TTN: variants seen among roughly 807,000 people sequenced by gnomAD.
TTN encodes connectin.
In TTN, 1,525 loss-of-function variants were observed where a neutral mutation model predicts 3,223.0. The observed-to-expected ratio is 0.47, with a 90% CI of 0.45 to 0.49. The LOEUF (loss-of-function observed/expected upper bound fraction) is 0.49. TTN is among the 20% of genes least tolerant of loss of function. The pLI is 0.00. For synonymous variants in TTN, 14,094 were observed against 15,161.0 expected (o/e 0.93, Z 5.17); for missense variants, 40,786 against 43,424.0 (o/e 0.94, Z 5.40).
rs140497184 is a variant in TTN at position 178,610,060 on chromosome 2, T to C, written c.51436+30A>G. 3,516 of 1,612,238 alleles carry C rather than the reference T, an allele frequency of 2.2e-3. 52 individuals carry two copies. The highest frequency in any genetic ancestry group is 0.021 in the South Asian group (1,932 of 90,980). On this transcript the variant is annotated intron_variant, in intron 271 of 362. Coordinates refer to ENST00000589042, the MANE Select transcript of TTN (RefSeq NM_001267550.2). ...AACAAAACTATGGTTTATTAGTTCT[T>C]AGCCATAGTGCATCCATGTCCAAAC...
In TTN at chr2:178,580,052, CT is replaced by C; in HGVS notation, c.67234del (p.Ser22412AlafsTer4). On this transcript the variant is annotated frameshift_variant, in exon 318 of 363. Transcript: ENST00000589042. LOFTEE classifies it high-confidence loss of function. ...CTCCTCCAAATTAGCTACTCTGAAG[CT>C]TGTTTTGGAGCACTCAGTTGTCACT... Reference protein sequence around the residue: ...STVTTECSKTSFRVANLEEGK... With the variant: ...STVTTECSKTXFRVANLEEGK... 1 of 1,613,326 alleles carries C rather than the reference CT, an allele frequency of 6.2e-7. No individual in the cohort carries two copies.
At position 178,735,897 on chromosome 2, in the gene TTN, T is replaced by A. The variant is rs760092355; in HGVS notation, c.14549A>T (p.His4850Leu). The change falls in exon 50 of 363, where the codon CAC becomes CTC. Residue 4850 changes from histidine to leucine, a missense_variant. Coordinates refer to ENST00000589042, the MANE Select transcript of TTN (RefSeq NM_001267550.2). Reference sequence around the variant, plus strand: ...GGTAAGGTTTGAGAGTTCTAAAATGTGTTTGTTTTCTGCGTCGGAAATCCT... The same window carrying A: ...GGTAAGGTTTGAGAGTTCTAAAATGAGTTTGTTTTCTGCGTCGGAAATCCT... ...NWRISDAENK[H>L]ILELSNLTIQ... 2.5e-6 allele frequency: 4 copies of A among 1,613,844 alleles called. No homozygotes were observed. In the South Asian group the frequency reaches 4.4e-5, roughly 18 times the overall value.
chr2:178,726,965 A>G, intron 69 of TTN, 125 bp downstream of exon 69: 1 of 1,015,126 alleles, frequency 9.9e-7, no homozygotes, highest in Non-Finnish European at 1.3e-6. Flanking sequence ...AAATAATACT[A>G]GCTCAGAAAA....
chr2:178,563,528 G>A lies in TTN; in HGVS notation c.82604C>T (p.Thr27535Ile). Residue 27535 changes from threonine (T) to isoleucine (I), a missense_variant, in exon 326 of 363, where the codon ACC becomes ATC. Coordinates refer to ENST00000589042, the MANE Select transcript of TTN (RefSeq NM_001267550.2). This position sits in a 1 kb window ranked among gnomAD's most constrained non-coding sequence, Gnocchi z 4.5. ...TDLRLRVTGL[T>I]EGHSYEFRVA... is the part of the protein sequence containing the mutation. The stretch of plus-strand genomic sequence containing the variant: ...TCTGAATTCATAGGAATGGCCTTCG[G>A]TAAGACCAGTTACCCTGAGCCGCAG... 1 of 1,613,742 alleles carries A rather than the reference G, an allele frequency of 6.2e-7. No homozygotes were observed. The highest frequency in any genetic ancestry group is 1.1e-5 in the South Asian group (1 of 91,076).
rs757085121 is a variant in TTN, at chr2:178,574,604, A to G, written c.71528T>C (p.Met23843Thr). 2 of 1,613,298 alleles carry G rather than the reference A, an allele frequency of 1.2e-6. No homozygotes were observed. Among genetic ancestry groups the G allele is most frequent in the Non-Finnish European group, 1.7e-6 (2 of 1,179,532 alleles). Residue 23843 changes from methionine (M) to threonine (T), a missense_variant, in exon 326 of 363, where the codon ATG (methionine) becomes ACG (threonine). Met to Thr is a moderately conservative substitution (Grantham distance 81). Coordinates refer to ENST00000589042, the MANE Select transcript of TTN (RefSeq NM_001267550.2). ...PQVTAVTKDS[M>T]TISWHEPLSD... ...AAGTGGCTCATGCCAGCTAATTGTCATTGAATCCTTGGTAACTGCAGTTAC... is the reference window on the plus strand; with the variant it reads ...AAGTGGCTCATGCCAGCTAATTGTCGTTGAATCCTTGGTAACTGCAGTTAC...
chr2:178,731,978 TA>T lies in TTN; in HGVS notation c.16904-8del. On this transcript the variant is annotated splice_region_variant and splice_polypyrimidine_tract_variant and intron_variant, in intron 57 of 362. Coordinates refer to ENST00000589042, the MANE Select transcript of TTN (RefSeq NM_001267550.2). ...TTGGTAAAATAAGGTGACTCTACAGTAAAAAAGGAATGATTTGCATTAAGGG... is the reference window on the plus strand; with the variant it reads ...TTGGTAAAATAAGGTGACTCTACAGTAAAAAGGAATGATTTGCATTAAGGG... 1 of 1,599,000 alleles carries T rather than the reference TA, an allele frequency of 6.3e-7. No individual in the cohort carries two copies. The highest frequency in any genetic ancestry group is 8.5e-7 in the Non-Finnish European group (1 of 1,170,336).
chr2:178,780,140 C>T lies in TTN; in HGVS notation c.3589G>A (p.Val1197Ile). Residue 1197 changes from valine to isoleucine, a missense_variant, in exon 22 of 363, where the codon GTT becomes ATT. By Grantham distance (29) the Val-to-Ile change is conservative. Coordinates refer to ENST00000589042, the MANE Select transcript of TTN (RefSeq NM_001267550.2). ...GTTTCTCCAACTTTAGGTTCTTGAA[C>T]AAATGCAGTCACTTGTGTCTGATAA... is the stretch of plus-strand genomic sequence containing the variant. The part of the protein sequence containing the change: ...MLYQTQVTAF[V>I]QEPKVGETAP... 1.2e-6 allele frequency: 2 copies of T among 1,613,796 alleles called. No homozygotes were observed. Among genetic ancestry groups the T allele is most frequent in the South Asian group, 2.2e-5 (2 of 91,076 alleles).
At chr2:178,670,353 C>G (rs1297722245) in intron 156 of TTN, 58 bp from the exon 157 acceptor site, 20 of 1,056,646 alleles carry the variant, frequency 1.9e-5, no homozygotes, top group Non-Finnish European at 1.7e-5. Context: ...TTTTAACAAG[C>G]AGAGCATGAG....
chr2:178,581,205 C>G (rs2047656413), intron 316 of TTN, among the ~76,000 whole-genome samples: 1 of 151,964 alleles, frequency 6.6e-6, no homozygotes, highest in African/African-American at 2.4e-5. Flanking sequence ...TAAAAGGCCT[C>G]TTTATTCCTA....
Position 178,564,818 on chromosome 2 carries a change from A to C in TTN, c.81314T>G (p.Ile27105Ser). 6.2e-7 allele frequency: 1 copy of C among 1,613,046 alleles called. No homozygotes were observed. Among genetic ancestry groups the C allele is most frequent in the Non-Finnish European group, 8.5e-7 (1 of 1,179,496 alleles). Residue 27105 changes from isoleucine to serine, a missense_variant, in exon 326 of 363, where the codon ATT becomes AGT. By Grantham distance (142) the Ile-to-Ser change is moderately radical. Coordinates refer to ENST00000589042, the MANE Select transcript of TTN (RefSeq NM_001267550.2). The part of the protein sequence containing the change: ...EPVNDGGTKI[I>S]GYHLEQKEKN... ...TTCTTTCTGTTCAAGATGGTAGCCA[A>C]TAATTTTGGTGCCTCCATCATTCAC...
intron 361 of TTN, 90 bp downstream of exon 361, chr2:178,528,184 C>A: frequency 7.1e-7 from 1 of 1,404,524 alleles, no homozygotes; most frequent in Non-Finnish European, 9.6e-7. Flanking sequence ...TTTAATAAGG[C>A]TTCTTAGAGT....
chr2:178,530,276 G>A lies in TTN; in HGVS notation c.106339C>T (p.Pro35447Ser). 3 of 1,609,370 alleles carry A rather than the reference G, an allele frequency of 1.9e-6. No individual in the cohort carries two copies. The highest frequency in any genetic ancestry group is 2.5e-6 in the Non-Finnish European group (3 of 1,176,762). The change falls in exon 358 of 363, where the codon CCC (proline) becomes TCC (serine). Residue 35447 changes from proline to serine, a missense_variant. Coordinates refer to ENST00000589042, the MANE Select transcript of TTN (RefSeq NM_001267550.2). ...AKFAVKATGEPRPTAIWTKDG... is the reference protein window; with the variant it reads ...AKFAVKATGESRPTAIWTKDG... ...TTTGTCCAGATGGCAGTTGGCCGGG[G>A]TTCTCCAGTAGCCTTAACTGCAAAT...
rs752764827 is a variant in TTN, at chr2:178,609,349, G to A, written c.51961C>T (p.Arg17321Cys). The change falls in exon 273 of 363, where the codon CGT (arginine) becomes TGT (cysteine). Residue 17321 changes from arginine (R) to cysteine (C), a missense_variant. Physicochemically the swap from Arg to Cys is radical, Grantham distance 180 (BLOSUM62 -3). Coordinates refer to ENST00000589042, the MANE Select transcript of TTN (RefSeq NM_001267550.2). ...TTTTTGCTGTTGTCAATACTCAAAC[G>A]CTGTGTCAGAGGCAGGACAAATGGT... The part of the protein sequence containing the change: ...EEPFVLPLTQ[R>C]LSIDNSKKGE... 3.6e-5 allele frequency: 58 copies of A among 1,611,790 alleles called. No homozygotes were observed. The highest frequency in any genetic ancestry group is 4.5e-5 in the Non-Finnish European group (53 of 1,178,854).
rs72648261 is a variant in TTN, at chr2:178,545,544, G to A, written c.95566C>T (p.Arg31856Cys). Residue 31856 changes from arginine to cysteine, a missense_variant, in exon 344 of 363, where the codon CGT (arginine) becomes TGT (cysteine). Physicochemically the swap from Arg to Cys is radical, Grantham distance 180. Coordinates refer to ENST00000589042, the MANE Select transcript of TTN (RefSeq NM_001267550.2). ...KREKKSLRWT[R>C]VNKDYVVYDT... ...TACACCACATAGTCTTTGTTGACACGTGTCCAGCGCAGGCTCTTCTTCTCA... is the reference window on the plus strand; with the variant it reads ...TACACCACATAGTCTTTGTTGACACATGTCCAGCGCAGGCTCTTCTTCTCA... 21 of 1,613,572 alleles carry A rather than the reference G, an allele frequency of 1.3e-5. No individual in the cohort carries two copies. The African/African-American group carries it at 1.3e-4, about 10-fold the overall frequency.
Position 178,582,488 on chromosome 2 carries a change from T to C in TTN, c.65968A>G (p.Asn21990Asp), listed in dbSNP as rs1356541458. The change falls in exon 314 of 363, where the codon AAC (asparagine) becomes GAC (aspartate). Residue 21990 changes from asparagine (N) to aspartate (D), a missense_variant. Coordinates refer to ENST00000589042, the MANE Select transcript of TTN (RefSeq NM_001267550.2). ...PLEDGGSEIT[N>D]YIVDKRETSR... ...GTTTCACGTTTGTCAACAATATAGT[T>C]GGTGATTTCTGAGCCTCCATCTTCA... is the stretch of plus-strand genomic sequence containing the variant. The C allele has an allele frequency of 1.9e-6, 3 of 1,612,792 alleles. No individual in the cohort carries two copies. Among genetic ancestry groups the C allele is most frequent in the African/African-American group, 2.7e-5 (2 of 74,852 alleles).
In TTN at chr2:178,591,138, G is replaced by T; in HGVS notation, c.60587C>A (p.Pro20196His). 1.2e-6 allele frequency: 2 copies of T among 1,613,230 alleles called. No homozygotes were observed. The highest frequency in any genetic ancestry group is 1.7e-6 in the Non-Finnish European group (2 of 1,179,504). The change falls in exon 304 of 363, where the codon CCT (proline) becomes CAT (histidine). Residue 20196 changes from proline (P) to histidine (H), a missense_variant. Coordinates refer to ENST00000589042, the MANE Select transcript of TTN (RefSeq NM_001267550.2). ...CACAGGGCTTCCTCCATCATCCTTA[G>T]GTGGCTGCCATGAGATAGTCATGTG... is the stretch of plus-strand genomic sequence containing the variant. ...PEHMTISWQP[P>H]KDDGGSPVIN...
At position 178,784,393 on chromosome 2, in the gene TTN, C is replaced by T. The variant is rs763004818; in HGVS notation, c.2494-42G>A. 3.1e-6 allele frequency: 5 copies of T among 1,608,790 alleles called. 1 individual carries two copies. The South Asian group carries it at 3.3e-5, about 11-fold the overall frequency. ...TCAGAAAATAAAGTCATTTAACCATCCTCCGATGGCTAGCCCTCTTGGACT... is the reference window on the plus strand; with the variant it reads ...TCAGAAAATAAAGTCATTTAACCATTCTCCGATGGCTAGCCCTCTTGGACT... On this transcript the variant is annotated intron_variant, in intron 15 of 362. Coordinates refer to ENST00000589042, the MANE Select transcript of TTN (RefSeq NM_001267550.2).
At chr2:178,723,724 G>T in intron 73 of TTN, 28 bp from the exon 74 acceptor site, 2 of 1,532,942 alleles carry the variant, frequency 1.3e-6, no homozygotes, top group Non-Finnish European at 1.7e-6. Context: ...ACAATTAAAA[G>T]ATCCTGTAAG....
At chr2:178,641,962 AGTT>A (rs747391648) in intron 219 of TTN, among the ~76,000 whole-genome samples, 13 of 151,834 alleles carry the variant, frequency 8.6e-5, no homozygotes, top group African/African-American at 1.4e-4. Context: ...TGGCAGTCAT[AGTT>A]GTTGTTAGTT....
Sources: allele counts gnomAD v4.1 joint callset (sites outside exome capture counted in the v4.1 genomes callset), GRCh38; gene constraint gnomAD v4.1.1; non-coding constraint Gnocchi (gnomAD v3.1); transcripts MANE v1.5; gene names NCBI Gene and HGNC (gene_info 2026-07-23, HGNC 2026-07-21).